The following HERC3 variants were observed in gnomAD, a reference collection of about 807,000 sequenced individuals.
The protein encoded by HERC3 is probable E3 ubiquitin-protein ligase HERC3.
In HERC3, 58 loss-of-function variants were observed where a neutral mutation model predicts 129.9. That is an observed-to-expected ratio of 0.45 (90% CI 0.36 to 0.56). The LOEUF (loss-of-function observed/expected upper bound fraction) is 0.56. Among genes scored for constraint, HERC3 ranks in the 20% least tolerant of loss-of-function variants. The probability of loss-of-function intolerance (pLI) is 0.00; values close to 1 mark genes in which losing one functional copy is unlikely to be tolerated. For missense variants in HERC3, 835 were observed against 1,244.2 expected, an observed-to-expected ratio of 0.67 and a Z score of 4.95; for synonymous variants, 430 against 451.0, an observed-to-expected ratio of 0.95 and a Z score of 0.59.
At chr4:88,536,750 GA>G in the HERC3 span, among the ~76,000 whole-genome samples, 1 of 134,640 alleles carries the variant, frequency 7.4e-6, no homozygotes, top group Non-Finnish European at 1.5e-5. Flanking sequence ...CCTGTGAAAA[GA>G]AAAGCACAAT....
chr4:88,693,124 G>A lies in HERC3; in HGVS notation c.2657+5825G>A, dbSNP rs547329076. On this transcript the variant is annotated intron_variant, in intron 23 of 25. Transcript: ENST00000402738. ...GACTGCCATGGTTTGCTATGTGAAT[G>A]TGTATTTTTCTGTTTCTTCACTGTT... The A allele has an allele frequency of 1.0e-5, 10 of 985,176 alleles. No homozygotes were observed. In the Admixed American group the frequency reaches 1.8e-4, roughly 18 times the overall value. The allele number at this position is 985,176 out of a possible 1,614,324, so 61.0% of individuals were successfully genotyped here.
the HERC3 span, among the ~76,000 whole-genome samples, chr4:88,584,274 C>T: frequency 3.9e-5 from 6 of 152,288 alleles, no homozygotes; most frequent in Admixed American, 2.0e-4. Flanking sequence ...CAAATAAGTG[C>T]ACATTCTGAG....
At chr4:88,548,957 G>A in the HERC3 span, among the ~76,000 whole-genome samples, 70 of 152,024 alleles carry the variant, frequency 4.6e-4, 1 homozygote, top group African/African-American at 9.7e-5. Flanking sequence ...CACTGCGCCC[G>A]GCCCATCTTT....
intron 3 of HERC3, among the ~76,000 whole-genome samples, chr4:88,642,910 CG>C (rs1368967059): frequency 1.1e-4 from 9 of 79,680 alleles, no homozygotes; most frequent in Non-Finnish European, 2.3e-4. Context: ...AGAATGGGGG[CG>C]GGGGGTGTGT....
At chr4:88,546,211 T>G in the HERC3 span, among the ~76,000 whole-genome samples, 1 of 152,190 alleles carries the variant, frequency 6.6e-6, no homozygotes, top group Non-Finnish European at 1.5e-5. Context: ...CTATTCCATG[T>G]TGTCTATACT....
intron 12 of HERC3, among the ~76,000 whole-genome samples, chr4:88,665,322 A>G (rs1181527173): frequency 6.6e-6 from 1 of 152,164 alleles, no homozygotes; most frequent in Non-Finnish European, 1.5e-5. Context: ...GAACCAGGGA[A>G]GCTGATGGTG....
chr4:88,539,839 G>A, the HERC3 span, among the ~76,000 whole-genome samples: 188 of 152,322 alleles, frequency 1.2e-3, 1 homozygote, highest in African/African-American at 4.5e-3. Flanking sequence ...AACTATAGCT[G>A]AGGGCCCTGA....
At chr4:88,682,871 A>G (rs1443655258) in intron 21 of HERC3, among the ~76,000 whole-genome samples, 1 of 151,958 alleles carries the variant, frequency 6.6e-6, no homozygotes, top group Non-Finnish European at 1.5e-5. Flanking sequence ...TGGTATTTCT[A>G]GTTCTAGATC....
the HERC3 span, among the ~76,000 whole-genome samples, chr4:88,564,152 A>G: frequency 6.6e-6 from 1 of 152,154 alleles, no homozygotes; most frequent in Admixed American, 6.5e-5. Flanking sequence ...TTTGGTCTTA[A>G]TGAATTATCT....
intron 10 of HERC3, among the ~76,000 whole-genome samples, chr4:88,661,039 C>T (rs536023027): frequency 6.6e-6 from 1 of 152,272 alleles, no homozygotes; most frequent in South Asian, 2.1e-4. Flanking sequence ...TTGTACTTCA[C>T]CCAAGGCATC....
At chr4:88,541,388 C>T in the HERC3 span, among the ~76,000 whole-genome samples, 1 of 152,240 alleles carries the variant, frequency 6.6e-6, no homozygotes, top group South Asian at 2.1e-4. Context: ...ACAAGAAGAG[C>T]TAACTATCCT....
chr4:88,697,617 G>C (rs546469739), intron 23 of HERC3: 24 of 1,609,128 alleles, frequency 1.5e-5, no homozygotes, highest in African/African-American at 1.2e-4. Context: ...GACCAGCCGC[G>C]CTGTCAGGGT....
At chr4:88,646,788 T>C (rs2149264489) in intron 3 of HERC3, among the ~76,000 whole-genome samples, 1 of 152,286 alleles carries the variant, frequency 6.6e-6, no homozygotes, top group African/African-American at 2.4e-5. Context: ...GTGACAGATC[T>C]CCAGCCTGAA....
At chr4:88,570,757 TTTATTTTTATTTA>T in the HERC3 span, among the ~76,000 whole-genome samples, 2 of 104,604 alleles carry the variant, frequency 1.9e-5, no homozygotes, top group Non-Finnish European at 4.9e-5. Flanking sequence ...CCTATTTTAT[TTTATTTTTATTTA>T]TTTATTTATT....
chr4:88,675,081 G>A (rs1296127246), intron 16 of HERC3, among the ~76,000 whole-genome samples: 1 of 152,182 alleles, frequency 6.6e-6, no homozygotes, highest in Admixed American at 6.5e-5. Flanking sequence ...GATTTTATGT[G>A]ATGATCAAAC....
rs180861713 is a variant in HERC3, at chr4:88,627,033, A to G, written c.226+20984A>G. Among the ~76,000 whole-genome samples, 402 of 152,272 alleles carry G rather than the reference A, an allele frequency of 2.6e-3. 1 individual carries two copies. The highest frequency in any genetic ancestry group is 0.015 in the South Asian group (71 of 4,824). On this transcript the variant is annotated intron_variant, in intron 3 of 25. Coordinates refer to ENST00000402738, the MANE Select transcript of HERC3 (RefSeq NM_014606.3). ...TTTATTCTAACAAGTATTTTATGCT[A>G]AAATATCCTTTTAAGTATCATTTTA...
intron 12 of HERC3, 128 bp from the exon 13 acceptor site, chr4:88,667,249 G>T (rs1160885649): frequency 6.5e-6 from 3 of 464,458 alleles, no homozygotes; most frequent in East Asian, 7.0e-5. Flanking sequence ...TAGTATTTTT[G>T]TGGATCTTAT....
chr4:88,556,743 T>G, the HERC3 span, among the ~76,000 whole-genome samples: 2 of 152,098 alleles, frequency 1.3e-5, no homozygotes, highest in Non-Finnish European at 2.9e-5. Flanking sequence ...CTGCCATGAT[T>G]CTTCGGTGGT....
rs1048261452 is a variant in HERC3 at position 88,632,070 on chromosome 4, A to G, written c.227-17770A>G. On this transcript the variant is annotated intron_variant, in intron 3 of 25. Transcript: ENST00000402738. ...CCCCAGAGGCAGAAGTCCATAGGCT[A>G]GAGGACTAAAAAGGAACCCCAAGAA... 3.5e-4 allele frequency among the ~76,000 whole-genome samples: 54 copies of G among 152,220 alleles called. 2 individuals carry two copies. The highest frequency in any genetic ancestry group is 1.2e-3 in the African/African-American group (51 of 41,464).
Sources: allele counts gnomAD v4.1 joint callset (sites outside exome capture counted in the v4.1 genomes callset), GRCh38; gene constraint gnomAD v4.1.1; transcripts MANE v1.5; gene names NCBI Gene and HGNC (gene_info 2026-07-23, HGNC 2026-07-21).